Variants in SHISA7 observed in about 807,000 individuals in gnomAD.
The protein encoded by SHISA7 is protein shisa-7.
SHISA7 carries 6 observed loss-of-function variants against 23.9 expected under a neutral mutation model. The observed-to-expected ratio is 0.25, with a 90% confidence interval of 0.14 to 0.50. The LOEUF is 0.50. Among genes scored for constraint, SHISA7 ranks in the 20% least tolerant of loss-of-function variants. SHISA7 has a pLI of 0.98. For missense variants in SHISA7, 671 were observed against 801.1 expected (o/e 0.84, Z 1.96); for synonymous variants, 386 against 398.3 (o/e 0.97, Z 0.37).
At chr19:55,434,552 ATGGTGTGTG>A (rs1985330255) in intron 3 of SHISA7, among the ~76,000 whole-genome samples, 31 of 41,442 alleles carry the variant, frequency 7.5e-4, no homozygotes, top group African/African-American at 2.1e-3. Flanking sequence ...TTGTGTGTGT[ATGGTGTGTG>A]TGGTGTGTGT....
At position 55,442,741 on chromosome 19, in the gene SHISA7, C is replaced by T; in HGVS notation, c.123G>A (p.Arg41=). Reference sequence around the variant, plus strand: ...CGCCCGTCAGCGCCCCGGTCAGGCGCCGCAGGTGCGCCAGCAGGGCGGGCA... The same window carrying T: ...CGCCCGTCAGCGCCCCGGTCAGGCGTCGCAGGTGCGCCAGCAGGGCGGGCA... ...GPLPALLAHL[R]RLTGALTGGG... The change falls in exon 1 of 4, where the codon CGG becomes CGA. Residue 41 remains arginine, a synonymous_variant. Coordinates refer to ENST00000376325, the MANE Select transcript of SHISA7 (RefSeq NM_001145176.2). The T allele has an allele frequency of 9.1e-7, 1 of 1,094,198 alleles. No homozygotes were observed. The highest frequency in any genetic ancestry group is 4.0e-4 in the Middle Eastern group (1 of 2,482). 67.8% of individuals were successfully genotyped at this position (1,094,198 alleles called of 1,614,324 possible). A position where few individuals can be genotyped will look rare whatever the true frequency, so the allele number is the denominator to read the frequency against.
intron 3 of SHISA7, among the ~76,000 whole-genome samples, chr19:55,437,288 A>G (rs1370310503): frequency 6.6e-6 from 1 of 152,218 alleles, no homozygotes; most frequent in East Asian, 1.9e-4. Context: ...CAATCTGGTG[A>G]CCTGTAGATT....
intron 3 of SHISA7, among the ~76,000 whole-genome samples, chr19:55,435,621 A>G (rs888945170): frequency 6.7e-6 from 1 of 149,458 alleles, no homozygotes; most frequent in Non-Finnish European, 1.5e-5. Flanking sequence ...AAAATTAGCT[A>G]AGCATGGTGG....
intron 3 of SHISA7, among the ~76,000 whole-genome samples, chr19:55,437,105 G>A (rs1158481293): frequency 1.3e-5 from 2 of 152,124 alleles, no homozygotes; most frequent in Non-Finnish European, 2.9e-5. Flanking sequence ...ATTTTTTGCC[G>A]GAATTGTTGG....
chr19:55,435,726 T>C (rs998489969), intron 3 of SHISA7, among the ~76,000 whole-genome samples: 1 of 149,328 alleles, frequency 6.7e-6, no homozygotes, highest in Non-Finnish European at 1.5e-5. Flanking sequence ...ATTACACCAC[T>C]GCACTCCAGC....
rs1700977095 is a variant in SHISA7, at chr19:55,433,038, C to T, written c.*118G>A. The T allele has an allele frequency of 6.3e-6, 8 of 1,260,800 alleles. No homozygotes were observed. The highest frequency in any genetic ancestry group is 1.7e-5 in the South Asian group (1 of 59,410). 78.1% of individuals were successfully genotyped at this position (1,260,800 alleles called of 1,614,324 possible). ...AGGACATCCCAGAAGGAGGCTTTCA[C>T]TCCTGTCCAAGGGCCGATCTGGGCC... On this transcript the variant is annotated 3_prime_UTR_variant, in exon 4 of 4. Transcript: ENST00000376325. This position sits in a 1 kb window ranked among gnomAD's most constrained non-coding sequence, Gnocchi z 8.4.
In SHISA7 at chr19:55,428,985, A is replaced by G. The variant is rs922771436; in HGVS notation, c.*4171T>C. 4.6e-5 allele frequency: 7 copies of G among 152,250 alleles called. No homozygotes were observed. Among genetic ancestry groups the G allele is most frequent in the African/African-American group, 1.7e-4 (7 of 41,378 alleles). 9.4% of individuals were successfully genotyped at this position (152,250 alleles called of 1,614,324 possible). A position where few individuals can be genotyped will look rare whatever the true frequency, so the allele number is the denominator to read the frequency against. ...GATGCCTGTGTGTGTGTGCTTGTGT[A>G]TGCATGGGTTTGTGTGCATTTGCAT... is the stretch of plus-strand genomic sequence containing the variant. On this transcript the variant is annotated 3_prime_UTR_variant, in exon 4 of 4. Transcript: ENST00000376325.
intron 2 of SHISA7, chr19:55,438,692 T>A (rs1985526261): frequency 3.2e-6 from 4 of 1,257,702 alleles, no homozygotes; most frequent in African/African-American, 3.1e-5. Flanking sequence ...ACCGTGGCCC[T>A]GATCTCTGGG....
At chr19:55,435,053 TGTGTGTGTAGTGTGTATGGTGTGTGTG>T (rs1568450838) in intron 3 of SHISA7, among the ~76,000 whole-genome samples, 1 of 43,914 alleles carries the variant, frequency 2.3e-5, no homozygotes, top group Non-Finnish European at 5.0e-5. Context: ...GTGTGTGTGG[TGTGTGTGTAGTGTGTATGGTGTGTGTG>T]GTGTGTGTGG....
chr19:55,442,090 C>G (rs1985610022), intron 1 of SHISA7, 103 bp downstream of exon 1: 1 of 1,202,150 alleles, frequency 8.3e-7, no homozygotes, highest in Non-Finnish European at 1.1e-6. Context: ...GGGTCTCTGA[C>G]CACCACGCCC....
chr19:55,430,285 AC>A lies in SHISA7; in HGVS notation c.*2870del, dbSNP rs1286020335. On this transcript the variant is annotated 3_prime_UTR_variant, in exon 4 of 4. Transcript: ENST00000376325. Reference sequence around the variant, plus strand: ...GTAGGGGTGAAGTCTTCAGAGGGGGACAGCTGGCCCCACCCCTGTCCTTTTA... The same window carrying A: ...GTAGGGGTGAAGTCTTCAGAGGGGGAAGCTGGCCCCACCCCTGTCCTTTTA... The A allele has an allele frequency of 6.6e-6, 1 of 152,260 alleles. No individual in the cohort carries two copies. Among genetic ancestry groups the A allele is most frequent in the Non-Finnish European group, 1.5e-5 (1 of 68,130 alleles). The allele number at this position is 152,260 out of a possible 1,614,324, so 9.4% of individuals were successfully genotyped here.
At position 55,437,745 on chromosome 19, in the gene SHISA7, G is replaced by C; in HGVS notation, c.836C>G (p.Ala279Gly). ...TVKTPNLDWR[A>G]LPPPSPSLHY... ...CAAGGAGGGGCTGGGCGGCGGCAAGGCTCGCCAGTCTGGGTTAGAGGGGGC... is the reference window on the plus strand; with the variant it reads ...CAAGGAGGGGCTGGGCGGCGGCAAGCCTCGCCAGTCTGGGTTAGAGGGGGC... The change falls in exon 3 of 4, where the codon GCC becomes GGC. Residue 279 changes from alanine (A) to glycine (G), a missense_variant. Physicochemically the swap from Ala to Gly is moderately conservative, Grantham distance 60 (BLOSUM62 0). Around this residue, in one of 5 missense-constraint regions of SHISA7, gnomAD observed 457 missense variants for 488.3 expected, o/e 0.94. Transcript: ENST00000376325. The C allele has an allele frequency of 6.5e-7, 1 of 1,550,328 alleles. No homozygotes were observed. Among genetic ancestry groups the C allele is most frequent in the East Asian group, 2.4e-5 (1 of 40,840 alleles).
chr19:55,435,022 G>T (rs1985389683), intron 3 of SHISA7, among the ~76,000 whole-genome samples: 1 of 121,950 alleles, frequency 8.2e-6, no homozygotes, highest in South Asian at 2.9e-4. Flanking sequence ...TGGTGTGTGT[G>T]TGGGTGTGTG....
chr19:55,433,117 G>C lies in SHISA7; in HGVS notation c.*39C>G. On this transcript the variant is annotated 3_prime_UTR_variant, in exon 4 of 4. Transcript: ENST00000376325. The surrounding 1 kb of genome is among the most constrained non-coding windows in gnomAD (Gnocchi z 8.4). ...TCGGGGGATCCAGGCTGGGACGGGG[G>C]GCCCGGGAGGCCGCAGCCCCCCAGA... 1 of 1,494,566 alleles carries C rather than the reference G, an allele frequency of 6.7e-7. No individual in the cohort carries two copies. The allele number at this position is 1,494,566 out of a possible 1,614,324, so 92.6% of individuals were successfully genotyped here. A position where few individuals can be genotyped will look rare whatever the true frequency, so the allele number is the denominator to read the frequency against.
In SHISA7 at chr19:55,442,396, C is replaced by T; in HGVS notation, c.468G>A (p.Gly156=). Residue 156 remains glycine (G), a synonymous_variant, in exon 1 of 4, where the codon GGG becomes GGA. Transcript: ENST00000376325. ...ACCACCCGGCCTGGCCGGGCCCTGGCCCCCCGCCCGCACCCCCAGCGCCCC... is the reference window on the plus strand; with the variant it reads ...ACCACCCGGCCTGGCCGGGCCCTGGTCCCCCGCCCGCACCCCCAGCGCCCC... ...GAGGAGGAGG[G]PGPGQAGWLE... 1 of 1,364,972 alleles carries T rather than the reference C, an allele frequency of 7.3e-7. No individual in the cohort carries two copies. Among genetic ancestry groups the T allele is most frequent in the Non-Finnish European group, 9.4e-7 (1 of 1,064,212 alleles). The allele number at this position is 1,364,972 out of a possible 1,614,324, so 84.6% of individuals were successfully genotyped here.
chr19:55,433,703 G>A lies in SHISA7; in HGVS notation c.1070C>T (p.Thr357Met). The A allele has an allele frequency of 6.8e-7, 1 of 1,479,072 alleles. No individual in the cohort carries two copies. Among genetic ancestry groups the A allele is most frequent in the Non-Finnish European group, 8.9e-7 (1 of 1,122,920 alleles). 91.6% of individuals were successfully genotyped at this position (1,479,072 alleles called of 1,614,324 possible). ...GGCCTCCATGCGATAGCCGCCCCCC[G>A]TGCCCGGCCGCCGCAGCGCGTGCAG... Reference protein sequence around the residue: ...LPLHALRRPGTGGGYRMEAWG... With the variant: ...LPLHALRRPGMGGGYRMEAWG... The change falls in exon 4 of 4, where the codon ACG (threonine) becomes ATG (methionine). Residue 357 changes from threonine to methionine, a missense_variant. Transcript: ENST00000376325. The surrounding 1 kb of genome is among the most constrained non-coding windows in gnomAD (Gnocchi z 8.4).
Position 55,433,181 on chromosome 19 carries a change from G to T in SHISA7, c.1592C>A (p.Ala531Asp), listed in dbSNP as rs1029164067. ...GHHLPQHLRT[A>D]SKNEVTV ...TCAGACAGTCACCTCGTTCTTGCTG[G>T]CCGTGCGCAGGTGCTGGGGCAGGTG... The change falls in exon 4 of 4, where the codon GCC becomes GAC. Residue 531 changes from alanine (A) to aspartate (D), a missense_variant. By Grantham distance (126) the Ala-to-Asp change is moderately radical (BLOSUM62 -2). This residue lies in a region of SHISA7 where 457 missense variants were observed against 488.3 expected (regional missense o/e 0.94). Coordinates refer to ENST00000376325, the MANE Select transcript of SHISA7 (RefSeq NM_001145176.2). This position sits in a 1 kb window ranked among gnomAD's most constrained non-coding sequence, Gnocchi z 8.4. 2.6e-6 allele frequency: 4 copies of T among 1,524,606 alleles called. No individual in the cohort carries two copies. Among genetic ancestry groups the T allele is most frequent in the Non-Finnish European group, 3.5e-6 (4 of 1,140,894 alleles). 94.4% of individuals were successfully genotyped at this position (1,524,606 alleles called of 1,614,324 possible).
intron 2 of SHISA7, chr19:55,438,465 T>TC: frequency 8.8e-7 from 1 of 1,133,740 alleles, no homozygotes; most frequent in Non-Finnish European, 1.2e-6. Context: ...GGGGTCTCAC[T>TC]CCTGCTCTAT....
chr19:55,438,725 G>A, intron 2 of SHISA7: 2 of 976,994 alleles, frequency 2.0e-6, no homozygotes, highest in African/African-American at 1.7e-5. Context: ...CCCAAGGTCG[G>A]CCCCACATGC....
Sources: allele counts gnomAD v4.1 joint callset (sites outside exome capture counted in the v4.1 genomes callset), GRCh38; gene constraint gnomAD v4.1.1; regional missense constraint gnomAD v4.1.1; non-coding constraint Gnocchi (gnomAD v3.1); transcripts MANE v1.5; gene names NCBI Gene and HGNC (gene_info 2026-07-23, HGNC 2026-07-21).